Variants in FSTL4 observed in about 807,000 individuals in gnomAD.
FSTL4 encodes the protein follistatin like 4.
In FSTL4, 28 loss-of-function variants were observed where a neutral mutation model predicts 78.2. The observed-to-expected ratio is 0.36, with a 90% confidence interval of 0.27 to 0.49. FSTL4 has a LOEUF of 0.49. Among genes scored for constraint, FSTL4 ranks in the 20% least tolerant of loss-of-function variants. FSTL4 has a pLI of 0.98. For missense variants in FSTL4, 922 were observed against 1,084.9 expected (o/e 0.85, Z 2.11); for synonymous variants, 422 against 440.5 (o/e 0.96, Z 0.53).
At chr5:133,639,976 G>T in the FSTL4 span, among the ~76,000 whole-genome samples, 9 of 152,324 alleles carry the variant, frequency 5.9e-5, no homozygotes, top group Non-Finnish European at 1.0e-4. Flanking sequence ...GAAAGACTCT[G>T]CACTGGTTTT....
the FSTL4 span, among the ~76,000 whole-genome samples, chr5:133,664,885 T>C: frequency 6.6e-6 from 1 of 152,246 alleles, no homozygotes; most frequent in East Asian, 1.9e-4. Context: ...AATGTGGTTC[T>C]TTCTATTGAA....
the FSTL4 span, among the ~76,000 whole-genome samples, chr5:133,795,932 G>A: frequency 4.2e-4 from 64 of 152,256 alleles, no homozygotes; most frequent in African/African-American, 1.5e-3. Context: ...TGGAGTCCAC[G>A]GGGTCTCCCA....
intron 4 of FSTL4, among the ~76,000 whole-genome samples, chr5:133,352,427 T>G (rs1378227108): frequency 1.3e-5 from 2 of 151,768 alleles, no homozygotes; most frequent in Non-Finnish European, 2.9e-5. Context: ...TGGTTTTCTT[T>G]GAGACAAGTT....
the FSTL4 span, among the ~76,000 whole-genome samples, chr5:133,653,930 T>G: frequency 6.6e-6 from 1 of 152,248 alleles, no homozygotes; most frequent in African/African-American, 2.4e-5. Context: ...AGGTTCATTA[T>G]TCCTTTCTTT....
chr5:133,453,090 T>G (rs757373024), intron 3 of FSTL4, among the ~76,000 whole-genome samples: 2 of 152,076 alleles, frequency 1.3e-5, no homozygotes, highest in Non-Finnish European at 2.9e-5. Flanking sequence ...AACAGATGAG[T>G]GACTCCAGAT....
chr5:133,635,640 G>C, the FSTL4 span, among the ~76,000 whole-genome samples: 1 of 152,182 alleles, frequency 6.6e-6, no homozygotes, highest in Non-Finnish European at 1.5e-5. Context: ...GCACATGCCT[G>C]TAATCCCAGC....
intron 6 of FSTL4, among the ~76,000 whole-genome samples, chr5:133,263,866 C>T (rs2126838413): frequency 6.6e-6 from 1 of 152,158 alleles, no homozygotes; most frequent in East Asian, 1.9e-4. Context: ...GGCACGGAGC[C>T]TGAGTGGGGG....
At chr5:133,827,383 C>A in the FSTL4 span, among the ~76,000 whole-genome samples, 130 of 152,214 alleles carry the variant, frequency 8.5e-4, no homozygotes, top group Non-Finnish European at 1.7e-3. Flanking sequence ...GCTGGGAGGG[C>A]AGAGAATATT....
rs537355083 is a variant in FSTL4, at chr5:133,509,354, G to A, written c.160+57832C>T. On this transcript the variant is annotated intron_variant, in intron 3 of 15. Transcript: ENST00000265342. ...AGCAAAGACCTGGCCAACCTTCTCC[G>A]TCTCCTCTTTTTCATGGCCTGTCCA... Among the ~76,000 whole-genome samples the A allele has an allele frequency of 1.8e-4, 27 of 152,212 alleles. No individual in the cohort carries two copies. In the South Asian group the frequency reaches 2.7e-3, roughly 15 times the overall value.
At position 133,426,364 on chromosome 5, in the gene FSTL4, G is replaced by T. The variant is rs1756816375; in HGVS notation, c.161-25378C>A. The stretch of plus-strand genomic sequence containing the variant: ...GCTGACCCGCAGGACCAGTGGCTTG[G>T]GTCTCCTGCATAATGAGCCCATGTC... On this transcript the variant is annotated intron_variant, in intron 3 of 15. Coordinates refer to ENST00000265342, the MANE Select transcript of FSTL4 (RefSeq NM_015082.2). The surrounding 1 kb of genome is among the most constrained non-coding windows in gnomAD (Gnocchi z 5.0). Among the ~76,000 whole-genome samples the T allele has an allele frequency of 6.6e-6, 1 of 152,142 alleles. No homozygotes were observed. Among genetic ancestry groups the T allele is most frequent in the South Asian group, 2.1e-4 (1 of 4,824 alleles).
rs954219408 is a variant in FSTL4 at position 133,263,288 on chromosome 5, A to G, written c.728-13712T>C. The stretch of plus-strand genomic sequence containing the variant: ...GGAGAGTGGCCTAGGCTAGGTGTGC[A>G]ACCTTGAAATTTATTGATGCATAAG... On this transcript the variant is annotated intron_variant, in intron 6 of 15. Transcript: ENST00000265342. Among the ~76,000 whole-genome samples, 200 of 152,172 alleles carry G rather than the reference A, an allele frequency of 1.3e-3. 3 individuals are homozygous for G. The highest frequency in any genetic ancestry group is 0.013 in the Admixed American group (199 of 15,282).
intron 4 of FSTL4, among the ~76,000 whole-genome samples, chr5:133,375,088 T>C (rs1755397227): frequency 6.6e-6 from 1 of 151,732 alleles, no homozygotes; most frequent in Admixed American, 6.6e-5. Context: ...AGGAGTGAGC[T>C]GGTGCATAAC....
chr5:133,424,218 A>G (rs531532660), intron 3 of FSTL4, among the ~76,000 whole-genome samples: 2 of 152,338 alleles, frequency 1.3e-5, no homozygotes, highest in South Asian at 2.1e-4. Flanking sequence ...GTCAGTGCAC[A>G]TCCAAGCGTT....
the FSTL4 span, among the ~76,000 whole-genome samples, chr5:133,620,127 T>TA: frequency 6.6e-6 from 1 of 152,238 alleles, no homozygotes; most frequent in Non-Finnish European, 1.5e-5. Context: ...GTTTTAGGAC[T>TA]AAAATCCTTG....
intron 2 of FSTL4, among the ~76,000 whole-genome samples, chr5:133,580,505 C>A (rs150950910): frequency 8.2e-4 from 125 of 152,294 alleles, no homozygotes; most frequent in African/African-American, 2.7e-3. Flanking sequence ...CAAACAAACA[C>A]ACAAACAAAG....
chr5:133,302,122 A>G (rs1173457282), intron 6 of FSTL4, among the ~76,000 whole-genome samples: 5 of 152,098 alleles, frequency 3.3e-5, no homozygotes, highest in Non-Finnish European at 2.9e-5. Flanking sequence ...CAAAGATGCT[A>G]TCAGCCTTCA....
rs925834399 is a variant in FSTL4 at position 133,460,816 on chromosome 5, C to T, written c.161-59830G>A. Among the ~76,000 whole-genome samples, 6 of 152,228 alleles carry T rather than the reference C, an allele frequency of 3.9e-5. 1 individual carries two copies. Among genetic ancestry groups the T allele is most frequent in the Non-Finnish European group, 5.9e-5 (4 of 68,048 alleles). The stretch of plus-strand genomic sequence containing the variant: ...GGCTTGAATTGAGCTCTGGCTCAAA[C>T]GCCTTCCAACTCTTGCATGCTCTGA... On this transcript the variant is annotated intron_variant, in intron 3 of 15. Coordinates refer to ENST00000265342, the MANE Select transcript of FSTL4 (RefSeq NM_015082.2).
chr5:133,322,299 A>ACACACC (rs1283864775), intron 4 of FSTL4, among the ~76,000 whole-genome samples: 1 of 42,566 alleles, frequency 2.3e-5, no homozygotes, highest in South Asian at 9.6e-4. Flanking sequence ...ACACCCCCAC[A>ACACACC]CACACCCACA....
chr5:133,289,754 A>G (rs1753215711), intron 6 of FSTL4, among the ~76,000 whole-genome samples: 1 of 152,210 alleles, frequency 6.6e-6, no homozygotes, highest in Non-Finnish European at 1.5e-5. Context: ...GACCAGCACC[A>G]AGCCCTTAAC....
Sources: gnomAD v4.1 joint callset for allele counts (sites outside exome capture counted in the v4.1 genomes callset) on GRCh38, gnomAD v4.1.1 for gene constraint, Gnocchi (gnomAD v3.1) non-coding constraint, MANE v1.5 for transcripts, NCBI Gene and HGNC (gene_info 2026-07-23, HGNC 2026-07-21) for gene names.